GNAI1: variants seen among roughly 807,000 people sequenced by gnomAD.
The protein encoded by GNAI1 is G protein subunit alpha i1, also known as guanine nucleotide-binding protein G(i) subunit alpha-1.
GNAI1 carries 11 observed loss-of-function variants against 38.9 expected under a neutral mutation model. The ratio of observed to expected loss-of-function variants is 0.28; its 90% CI spans 0.18 to 0.47. The LOEUF (loss-of-function observed/expected upper bound fraction) is 0.47, where lower values mean the gene tolerates loss of function less well. Among genes scored for constraint, GNAI1 ranks in the 20% least tolerant of loss-of-function variants. The pLI, the probability that GNAI1 is intolerant of heterozygous loss-of-function variation, is 0.99. For synonymous variants in GNAI1, 166 were observed against 145.1 expected (o/e 1.14, Z -1.04); for missense variants, 317 against 436.9 (o/e 0.73, Z 2.45).
At chr7:80,184,065 AAGG>A (rs995641313) in intron 1 of GNAI1, among the ~76,000 whole-genome samples, 9 of 152,130 alleles carry the variant, frequency 5.9e-5, no homozygotes, top group African/African-American at 2.2e-4. Flanking sequence ...TTCCTCCTTA[AAGG>A]AGACCAGTGG....
chr7:80,138,586 G>T (rs1787468161), intron 1 of GNAI1, among the ~76,000 whole-genome samples: 1 of 151,798 alleles, frequency 6.6e-6, no homozygotes. Context: ...TCCTTTTAAG[G>T]GCAGTAAGAT....
intron 1 of GNAI1, among the ~76,000 whole-genome samples, chr7:80,174,134 A>G (rs994951544): frequency 4.6e-5 from 7 of 152,210 alleles, no homozygotes; most frequent in Non-Finnish European, 7.3e-5. Context: ...AAAGGAAATT[A>G]AAGATGATTT....
rs563692245 is a variant in GNAI1 at position 80,203,700 on chromosome 7, T to C, written c.462-4T>C. The C allele has an allele frequency of 6.2e-5, 97 of 1,566,002 alleles. No homozygotes were observed. In the East Asian group the frequency reaches 1.6e-3, roughly 25 times the overall value. On this transcript the variant is annotated splice_polypyrimidine_tract_variant and splice_region_variant and intron_variant, in intron 4 of 7. Coordinates refer to ENST00000649796, the MANE Select transcript of GNAI1 (RefSeq NM_002069.6). ...AACATGTTGTTTTGTTTAATTTTTT[T>C]CAGCTATTTGAATGACTTGGACAGA...
At chr7:80,191,210 C>T (rs542471531) in intron 3 of GNAI1, among the ~76,000 whole-genome samples, 2 of 152,078 alleles carry the variant, frequency 1.3e-5, no homozygotes, top group African/African-American at 2.4e-5. Flanking sequence ...CCTATCTTTA[C>T]GTAAGCTTTC....
intron 3 of GNAI1, among the ~76,000 whole-genome samples, chr7:80,193,191 T>C (rs748098224): frequency 3.3e-4 from 50 of 152,136 alleles, no homozygotes; most frequent in Non-Finnish European, 5.9e-5. Flanking sequence ...CCAGATGAAC[T>C]TGAGAGCCAG....
At chr7:80,142,538 C>CA (rs1787545265) in intron 1 of GNAI1, among the ~76,000 whole-genome samples, 1 of 152,166 alleles carries the variant, frequency 6.6e-6, no homozygotes, top group South Asian at 2.1e-4. Flanking sequence ...TTCTCTATGG[C>CA]ATTGGCCCCA....
chr7:80,216,049 A>G (rs985286006), intron 7 of GNAI1, among the ~76,000 whole-genome samples: 1 of 152,194 alleles, frequency 6.6e-6, no homozygotes, highest in Non-Finnish European at 1.5e-5. Context: ...GATTATTACT[A>G]CAAAAGAGGG....
At chr7:80,215,608 A>C (rs1162747179) in intron 7 of GNAI1, among the ~76,000 whole-genome samples, 1 of 152,194 alleles carries the variant, frequency 6.6e-6, no homozygotes, top group African/African-American at 2.4e-5. Flanking sequence ...ACTGGATTCT[A>C]TAAGATATAA....
chr7:80,201,992 CAG>C (rs1410500629), intron 4 of GNAI1, among the ~76,000 whole-genome samples: 2 of 152,114 alleles, frequency 1.3e-5, no homozygotes, highest in Non-Finnish European at 2.9e-5. Context: ...TTAAAACAAT[CAG>C]AATTTTTCAC....
Position 80,147,591 on chromosome 7 carries a change from G to A in GNAI1, c.118+12313G>A, listed in dbSNP as rs531516886. ...ACTGACTGAGACAGTTGTAAATTCT[G>A]ATTAAGTTTACAGTCATTGGACTTG... is the stretch of plus-strand genomic sequence containing the variant. On this transcript the variant is annotated intron_variant, in intron 1 of 7. Coordinates refer to ENST00000649796, the MANE Select transcript of GNAI1 (RefSeq NM_002069.6). Among the ~76,000 whole-genome samples, 22 of 152,218 alleles carry A rather than the reference G, an allele frequency of 1.4e-4. No individual in the cohort carries two copies. In the South Asian group the frequency reaches 4.4e-3, roughly 30 times the overall value.
intron 3 of GNAI1, among the ~76,000 whole-genome samples, chr7:80,191,970 A>G (rs572088870): frequency 1.2e-3 from 182 of 152,278 alleles, no homozygotes; most frequent in African/African-American, 4.1e-3. Flanking sequence ...GAATTTGAGA[A>G]TTATTTTAAA....
intron 1 of GNAI1, among the ~76,000 whole-genome samples, chr7:80,164,039 CTTTTTTTTTT>C (rs35826632): frequency 1.6e-5 from 1 of 62,936 alleles, no homozygotes; most frequent in East Asian, 4.7e-4. Flanking sequence ...CTGGTGCTTT[CTTTTTTTTTT>C]TTTTTTTTTT....
intron 1 of GNAI1, among the ~76,000 whole-genome samples, chr7:80,145,339 T>G (rs895459644): frequency 7.2e-5 from 11 of 152,156 alleles, no homozygotes; most frequent in Admixed American, 7.2e-4. Context: ...TGTAACCATA[T>G]CAATCTATAT....
chr7:80,137,231 A>G (rs6959880), intron 1 of GNAI1, among the ~76,000 whole-genome samples: 3 of 151,890 alleles, frequency 2.0e-5, no homozygotes, highest in Non-Finnish European at 4.4e-5. Context: ...GTTCAGAGAA[A>G]GATGTAGCAG....
intron 1 of GNAI1, among the ~76,000 whole-genome samples, chr7:80,168,418 C>G (rs772883548): frequency 1.3e-5 from 2 of 152,166 alleles, no homozygotes; most frequent in South Asian, 4.2e-4. Flanking sequence ...GACAGAGTCT[C>G]ACTTTGTCAC....
intron 1 of GNAI1, among the ~76,000 whole-genome samples, chr7:80,144,197 T>C (rs1326507408): frequency 2.6e-5 from 4 of 152,084 alleles, no homozygotes; most frequent in Non-Finnish European, 1.5e-5. Context: ...TTATTATCCA[T>C]TTTTAGAATT....
intron 5 of GNAI1, among the ~76,000 whole-genome samples, chr7:80,210,472 C>T (rs563389814): frequency 7.5e-4 from 114 of 152,226 alleles, no homozygotes; most frequent in Non-Finnish European, 1.1e-3. Context: ...TTCTTCTTTA[C>T]ATCAAAGCCT....
intron 1 of GNAI1, among the ~76,000 whole-genome samples, chr7:80,183,065 G>A (rs1788322260): frequency 6.6e-6 from 1 of 152,184 alleles, no homozygotes; most frequent in Non-Finnish European, 1.5e-5. Flanking sequence ...TCAAAGAGAT[G>A]GCTCCCAGGT....
chr7:80,165,989 T>G (rs1788005072), intron 1 of GNAI1, among the ~76,000 whole-genome samples: 1 of 152,130 alleles, frequency 6.6e-6, no homozygotes, highest in African/African-American at 2.4e-5. Context: ...ATAGGGATTT[T>G]GGGCAATTTG....
Sources: gnomAD v4.1 joint callset for allele counts (sites outside exome capture counted in the v4.1 genomes callset) on GRCh38, gnomAD v4.1.1 for gene constraint, MANE v1.5 for transcripts, NCBI Gene and HGNC (gene_info 2026-07-23, HGNC 2026-07-21) for gene names.